FAM162A: variants seen among roughly 807,000 people sequenced by gnomAD.
The protein encoded by FAM162A is protein FAM162A.
A neutral mutation model predicts 21.8 loss-of-function variants in FAM162A; 23 were observed. The observed-to-expected ratio is 1.05, with a 90% CI of 0.76 to 1.49. The LOEUF (loss-of-function observed/expected upper bound fraction) is 1.49. Ranked by LOEUF, FAM162A falls within the 40% of genes most tolerant of loss-of-function variation. The pLI, the probability that FAM162A is intolerant of heterozygous loss-of-function variation, is 0.00. For synonymous variants in FAM162A, 53 were observed against 61.3 expected (o/e 0.86, Z 0.64); for missense variants, 165 against 186.4 (o/e 0.89, Z 0.67).
intron 2 of FAM162A, 115 bp downstream of exon 2, chr3:122,402,997 G>A (rs1010267778): frequency 1.5e-5 from 18 of 1,182,892 alleles, no homozygotes; most frequent in Admixed American, 8.0e-5. Flanking sequence ...CCCATGTAGA[G>A]AGAACACATT....
chr3:122,401,605 TG>T, intron 1 of FAM162A: 2 of 1,135,210 alleles, frequency 1.8e-6, no homozygotes, highest in Non-Finnish European at 2.3e-6. Context: ...TGTGAAATGT[TG>T]GAAGTATAGT....
chr3:122,399,243 A>T (rs6786512), intron 1 of FAM162A, among the ~76,000 whole-genome samples: 21 of 151,972 alleles, frequency 1.4e-4, no homozygotes, highest in Non-Finnish European at 2.6e-4. Flanking sequence ...CAGCTCCATC[A>T]GTGTTCCTAC....
intron 1 of FAM162A, among the ~76,000 whole-genome samples, chr3:122,394,667 C>G (rs1011081126): frequency 6.6e-6 from 1 of 152,098 alleles, no homozygotes; most frequent in Non-Finnish European, 1.5e-5. Context: ...AAGAAAAAGT[C>G]CAGGCCCAGA....
chr3:122,395,941 G>A (rs753421399), intron 1 of FAM162A, among the ~76,000 whole-genome samples: 1 of 152,088 alleles, frequency 6.6e-6, no homozygotes, highest in African/African-American at 2.4e-5. Context: ...AACTCAGTGC[G>A]GAAAAGAACA....
Position 122,384,220 on chromosome 3 carries a change from C to G in FAM162A, c.-46C>G. On this transcript the variant is annotated 5_prime_UTR_variant, in exon 1 of 5. Transcript: ENST00000477892. ...GTGACATTGAGCTCACCAGCGCCAC[C>G]GTCCCCGGCGAAGTTCTGCGCTGGT... 1.3e-6 allele frequency: 2 copies of G among 1,554,128 alleles called. No homozygotes were observed. Among genetic ancestry groups the G allele is most frequent in the African/African-American group, 1.4e-5 (1 of 73,440 alleles).
intron 2 of FAM162A, among the ~76,000 whole-genome samples, chr3:122,403,126 A>T (rs917531589): frequency 6.6e-6 from 1 of 151,452 alleles, no homozygotes; most frequent in Non-Finnish European, 1.5e-5. Flanking sequence ...CCATCTTCCT[A>T]CATCACACTT....
chr3:122,395,601 GA>G (rs1560000092), intron 1 of FAM162A, among the ~76,000 whole-genome samples: 5 of 152,138 alleles, frequency 3.3e-5, no homozygotes. Context: ...TTTTAAGATG[GA>G]AGAATTCCTC....
chr3:122,406,285 C>T (rs1160957150), intron 3 of FAM162A, among the ~76,000 whole-genome samples: 1 of 152,178 alleles, frequency 6.6e-6, no homozygotes, highest in Non-Finnish European at 1.5e-5. Context: ...ATCGTGACCA[C>T]CAGGTGTGGC....
At chr3:122,407,155 C>G (rs56852404) in intron 3 of FAM162A, 126 bp from the exon 4 acceptor site, 142 of 702,058 alleles carry the variant, frequency 2.0e-4, no homozygotes, top group African/African-American at 2.0e-3. Flanking sequence ...AAAGAGATCT[C>G]TAGGTCTCCC....
At chr3:122,402,617 A>G (rs1161724872) in intron 1 of FAM162A, 143 bp from the exon 2 acceptor site, 1 of 596,972 alleles carries the variant, frequency 1.7e-6, no homozygotes, top group Non-Finnish European at 2.7e-6. Flanking sequence ...TAAATATACT[A>G]TGTGTATCTT....
chr3:122,401,171 A>C (rs1035493233), intron 1 of FAM162A, among the ~76,000 whole-genome samples: 11 of 151,788 alleles, frequency 7.2e-5, no homozygotes, highest in African/African-American at 2.7e-4. Context: ...ATTTTTTCTT[A>C]TTATTATATG....
At chr3:122,395,259 G>A (rs1417354115) in intron 1 of FAM162A, among the ~76,000 whole-genome samples, 1 of 152,120 alleles carries the variant, frequency 6.6e-6, no homozygotes, top group Non-Finnish European at 1.5e-5. Context: ...CTTACTGGAG[G>A]TTCTCGTTAG....
chr3:122,405,675 C>G (rs538498646), intron 3 of FAM162A, among the ~76,000 whole-genome samples: 4 of 152,204 alleles, frequency 2.6e-5, no homozygotes, highest in African/African-American at 9.6e-5. Context: ...AATACTACCT[C>G]ACGAATCACT....
rs2075681682 is a variant in FAM162A, at chr3:122,407,390, G to A, written c.372+1G>A. The A allele has an allele frequency of 2.5e-6, 4 of 1,608,986 alleles. No homozygotes were observed. In the South Asian group the frequency reaches 3.3e-5, roughly 13 times the overall value. Reference sequence around the variant, plus strand: ...CTTCATGGTTATTGAGGGCAAGAAGGTGAGAAGGGGTTTCTTCTCTATCCA... The same window carrying A: ...CTTCATGGTTATTGAGGGCAAGAAGATGAGAAGGGGTTTCTTCTCTATCCA... On this transcript the variant is annotated splice_donor_variant, in intron 4 of 4. Coordinates refer to ENST00000477892, the MANE Select transcript of FAM162A (RefSeq NM_014367.4). LOFTEE classifies it high-confidence loss of function.
chr3:122,401,547 T>G (rs1356357069), intron 1 of FAM162A: 1 of 1,271,252 alleles, frequency 7.9e-7, no homozygotes. Flanking sequence ...TAAGTGTATT[T>G]GTGCCTAATT....
intron 1 of FAM162A, among the ~76,000 whole-genome samples, chr3:122,400,720 G>C (rs1038428499): frequency 4.6e-5 from 7 of 152,078 alleles, no homozygotes; most frequent in Non-Finnish European, 2.9e-5. Flanking sequence ...CCAGCTACGT[G>C]GGAGGCTGAG....
rs1485709990 is a variant in FAM162A at position 122,402,740 on chromosome 3, C to T, written c.35-20C>T. On this transcript the variant is annotated intron_variant, in intron 1 of 4. Coordinates refer to ENST00000477892, the MANE Select transcript of FAM162A (RefSeq NM_014367.4). ...ATTTTCTTTCTTTCTTTCTTTGAAACATTTTCCTCTCTTTTTTAGGAAGCT... is the reference window on the plus strand; with the variant it reads ...ATTTTCTTTCTTTCTTTCTTTGAAATATTTTCCTCTCTTTTTTAGGAAGCT... The T allele has an allele frequency of 2.0e-6, 3 of 1,475,184 alleles. No individual in the cohort carries two copies. The highest frequency in any genetic ancestry group is 2.9e-5 in the South Asian group (2 of 68,322). 91.4% of individuals were successfully genotyped at this position (1,475,184 alleles called of 1,614,324 possible). A position where few individuals can be genotyped will look rare whatever the true frequency, so the allele number is the denominator to read the frequency against.
chr3:122,391,589 A>T (rs2075604605), intron 1 of FAM162A, among the ~76,000 whole-genome samples: 1 of 152,226 alleles, frequency 6.6e-6, no homozygotes, highest in African/African-American at 2.4e-5. Flanking sequence ...TGGGAGATAC[A>T]GTCTGATCTA....
At chr3:122,405,225 G>A (rs1397325394) in intron 3 of FAM162A, among the ~76,000 whole-genome samples, 2 of 152,198 alleles carry the variant, frequency 1.3e-5, no homozygotes, top group Admixed American at 6.5e-5. Flanking sequence ...TTCAGACAAA[G>A]CTCGTGGAAG....
Sources: gnomAD v4.1 joint callset for allele counts (sites outside exome capture counted in the v4.1 genomes callset) on GRCh38, gnomAD v4.1.1 for gene constraint, MANE v1.5 for transcripts, NCBI Gene and HGNC (gene_info 2026-07-23, HGNC 2026-07-21) for gene names.